The following ABCB4 variants were observed in gnomAD, a reference collection of about 807,000 sequenced individuals.
ABCB4 encodes ATP binding cassette subfamily B member 4, also known as phosphatidylcholine translocator ABCB4.
In ABCB4, 76 loss-of-function variants were observed where a neutral mutation model predicts 145.7. The ratio of observed to expected loss-of-function variants is 0.52; its 90% CI spans 0.43 to 0.63. The LOEUF (loss-of-function observed/expected upper bound fraction) is 0.63, where lower values mean the gene tolerates loss of function less well. Ranked by LOEUF, ABCB4 falls within the 30% of genes least tolerant of loss-of-function variation. The pLI is 0.00. For missense variants in ABCB4, 1,234 were observed against 1,553.1 expected (o/e 0.79, Z 3.45); for synonymous variants, 517 against 566.8 (o/e 0.91, Z 1.25).
Position 87,409,232 on chromosome 7 carries a change from T to G in ABCB4, c.3081+4A>C, listed in dbSNP as rs1467024096. On this transcript the variant is annotated splice_donor_region_variant and intron_variant, in intron 24 of 27. Coordinates refer to ENST00000649586, the MANE Select transcript of ABCB4 (RefSeq NM_000443.4). Reference sequence around the variant, plus strand: ...CAAGCATCATCAGGCATCAGAGAACTTACAGGCTTCAGCCCCTCTTCACTG... The same window carrying G: ...CAAGCATCATCAGGCATCAGAGAACGTACAGGCTTCAGCCCCTCTTCACTG... 6.2e-7 allele frequency: 1 copy of G among 1,613,872 alleles called. No homozygotes were observed.
At chr7:87,377,598 A>T in the ABCB4 span, 3 of 572,200 alleles carry the variant, frequency 5.2e-6, no homozygotes, top group Non-Finnish European at 9.2e-6. Flanking sequence ...ATGAATTCTC[A>T]TTGAAAGTAT....
At chr7:87,391,494 C>G in the ABCB4 span, 6 of 1,239,574 alleles carry the variant, frequency 4.8e-6, no homozygotes, top group Non-Finnish European at 6.6e-6. Context: ...AGGGCTTAGT[C>G]TCTGAACAAA....
rs1273976597 is a variant in ABCB4, at chr7:87,451,728, C to T, written c.603G>A (p.Thr201=). 8 of 1,614,044 alleles carry T rather than the reference C, an allele frequency of 5.0e-6. No individual in the cohort carries two copies. The highest frequency in any genetic ancestry group is 1.6e-4 in the Middle Eastern group (1 of 6,084). The change falls in exon 7 of 28, where the codon ACG becomes ACA. Residue 201 remains threonine, a synonymous_variant. Coordinates refer to ENST00000649586, the MANE Select transcript of ABCB4 (RefSeq NM_000443.4). ...ATCCCACTATGAATCCTGCAAAAAA[C>T]GTGGCTACTGCTTGAAAGAACATTC... ...KVGMFFQAVA[T]FFAGFIVGFI...
At chr7:87,455,989 A>G (rs1312170970) in intron 4 of ABCB4, among the ~76,000 whole-genome samples, 2 of 152,310 alleles carry the variant, frequency 1.3e-5, no homozygotes, top group East Asian at 3.9e-4. Context: ...ATTTCCGATT[A>G]TTAATCTAGC....
downstream of ABCB4, among the ~76,000 whole-genome samples, chr7:87,400,947 AGT>A (rs1807752691): frequency 6.6e-6 from 1 of 152,184 alleles, no homozygotes; most frequent in East Asian, 1.9e-4. Flanking sequence ...AATCACCTAG[AGT>A]GTATTTTAAA....
intron 4 of ABCB4, among the ~76,000 whole-genome samples, chr7:87,461,183 C>A (rs1812435016): frequency 1.3e-5 from 2 of 152,116 alleles, no homozygotes; most frequent in Admixed American, 6.5e-5. Flanking sequence ...AAACTCAAAA[C>A]TTAATTGCCA....
At position 87,406,296 on chromosome 7, in the gene ABCB4, A is replaced by G; in HGVS notation, c.3478T>C (p.Leu1160=). The G allele has an allele frequency of 6.2e-7, 1 of 1,614,166 alleles. No individual in the cohort carries two copies. Among genetic ancestry groups the G allele is most frequent in the Non-Finnish European group, 8.5e-7 (1 of 1,179,996 alleles). Residue 1160 remains leucine (L), a synonymous_variant, in exon 26 of 28, where the codon TTA becomes CTA. Transcript: ENST00000649586. The part of the protein sequence containing the change: ...AANIHPFIET[L]PHKYETRVGD... Reference sequence around the variant, plus strand: ...GCTACTCTTTAACTTACGTGGGGTAACGTCTCGATGAAAGGATGTATGTTG... The same window carrying G: ...GCTACTCTTTAACTTACGTGGGGTAGCGTCTCGATGAAAGGATGTATGTTG...
chr7:87,468,327 C>T lies in ABCB4; in HGVS notation c.135+4294G>A, dbSNP rs556576908. ...TGGATAAATTCCTCAACACATACACCCTCCCAAGACTAAACCAGGAAGAAG... is the reference window on the plus strand; with the variant it reads ...TGGATAAATTCCTCAACACATACACTCTCCCAAGACTAAACCAGGAAGAAG... On this transcript the variant is annotated intron_variant, in intron 3 of 27. Coordinates refer to ENST00000649586, the MANE Select transcript of ABCB4 (RefSeq NM_000443.4). 6.6e-3 allele frequency among the ~76,000 whole-genome samples: 1,000 copies of T among 152,160 alleles called. 4 individuals are homozygous for T. The highest frequency in any genetic ancestry group is 0.011 in the Non-Finnish European group (748 of 68,004).
rs574979344 is a variant in ABCB4 at position 87,429,743 on chromosome 7, C to T, written c.1893+1661G>A. On this transcript the variant is annotated intron_variant, in intron 15 of 27. Transcript: ENST00000649586. Reference sequence around the variant, plus strand: ...GGTGGCTAGGCCATATGGTAGCATTCGGCAGAGACACTATCATTGATTCCC... The same window carrying T: ...GGTGGCTAGGCCATATGGTAGCATTTGGCAGAGACACTATCATTGATTCCC... 1.7e-4 allele frequency among the ~76,000 whole-genome samples: 26 copies of T among 152,232 alleles called. No individual in the cohort carries two copies. The South Asian group carries it at 4.4e-3, about 26-fold the overall frequency.
Position 87,443,742 on chromosome 7 carries a change from C to T in ABCB4, c.1151G>A (p.Gly384Glu), listed in dbSNP as rs886894962. 13 of 1,613,738 alleles carry T rather than the reference C, an allele frequency of 8.1e-6. No individual in the cohort carries two copies. Among genetic ancestry groups the T allele is most frequent in the African/African-American group, 1.3e-5 (1 of 74,888 alleles). The part of the protein sequence containing the change: ...NPKIDSFSER[G>E]HKPDSIKGNL... Reference sequence around the variant, plus strand: ...CCCTTTGATGCTGTCTGGTTTGTGTCCTCTCTCTGAAAAACTGTCAATTTT... The same window carrying T: ...CCCTTTGATGCTGTCTGGTTTGTGTTCTCTCTCTGAAAAACTGTCAATTTT... The change falls in exon 11 of 28, where the codon GGA becomes GAA. Residue 384 changes from glycine (G) to glutamate (E), a missense_variant. Physicochemically the swap from Gly to Glu is moderately conservative, Grantham distance 98. This residue lies in a region of ABCB4 where 467 missense variants were observed against 632.8 expected (regional missense o/e 0.74). Transcript: ENST00000649586.
At chr7:87,475,340 G>C in intron 2 of ABCB4, 46 bp downstream of exon 2, 6 of 1,605,450 alleles carry the variant, frequency 3.7e-6, no homozygotes, top group Non-Finnish European at 5.1e-6. Flanking sequence ...ACTTAGTCCT[G>C]CTGATTGGCG....
chr7:87,434,370 A>T (rs1007709167), intron 14 of ABCB4, among the ~76,000 whole-genome samples: 1 of 152,122 alleles, frequency 6.6e-6, no homozygotes, highest in African/African-American at 2.4e-5. Context: ...TCTTTCTTCA[A>T]GATCTTATAT....
At chr7:87,462,615 T>C (rs906277452) in intron 4 of ABCB4, 143 bp downstream of exon 4, 4 of 760,480 alleles carry the variant, frequency 5.3e-6, no homozygotes, top group Non-Finnish European at 6.6e-6. Context: ...CTGAGAATTT[T>C]ACAACTCCTT....
chr7:87,411,879 C>A lies in ABCB4; in HGVS notation c.2924+14G>T. 3.1e-6 allele frequency: 5 copies of A among 1,611,538 alleles called. No individual in the cohort carries two copies. Among genetic ancestry groups the A allele is most frequent in the South Asian group, 1.1e-5 (1 of 90,970 alleles). The stretch of plus-strand genomic sequence containing the variant: ...TTATTATAGAATAATCTTAATATTT[C>A]TAAAGCTACTTACAGAATAACATCT... On this transcript the variant is annotated intron_variant, in intron 23 of 27. Transcript: ENST00000649586.
Position 87,422,179 on chromosome 7 carries a change from A to G in ABCB4, c.2258T>C (p.Ile753Thr). 4 of 1,613,814 alleles carry G rather than the reference A, an allele frequency of 2.5e-6. No homozygotes were observed. In the South Asian group the frequency reaches 3.3e-5, roughly 13 times the overall value. Residue 753 changes from isoleucine (I) to threonine (T), a missense_variant, in exon 18 of 28, where the codon ATA becomes ACA. By Grantham distance (89) the Ile-to-Thr change is moderately conservative (BLOSUM62 -1). Transcript: ENST00000649586. ...DDAVKQQKCN[I>T]FSLIFLFLGI... ...CAGAAATAAGAAAATCAAAGAGAAT[A>G]TGTTGCACTTCTGCTGCTTCACTGC...
intron 15 of ABCB4, 25 bp from the exon 16 acceptor site, chr7:87,426,945 G>GT: frequency 1.1e-6 from 1 of 917,022 alleles, no homozygotes; most frequent in Non-Finnish European, 1.4e-6. Context: ...AGACATTAAA[G>GT]TGTGTGTGTG....
chr7:87,408,190 G>A lies in ABCB4; in HGVS notation c.3126C>T (p.Asn1042=). Residue 1042 remains asparagine (N), a synonymous_variant, in exon 25 of 28, where the codon AAC becomes AAT. Coordinates refer to ENST00000649586, the MANE Select transcript of ABCB4 (RefSeq NM_000443.4). ...CTGGCACGTTTGCTCGGGTGGGATA[G>A]TTGAACACGACTTCATTAAATGTTA... The part of the protein sequence containing the change: ...GNITFNEVVF[N]YPTRANVPVL... 6.2e-7 allele frequency: 1 copy of A among 1,614,178 alleles called. No individual in the cohort carries two copies. Among genetic ancestry groups the A allele is most frequent in the South Asian group, 1.1e-5 (1 of 91,086 alleles).
chr7:87,391,844 G>A, the ABCB4 span: 2 of 891,916 alleles, frequency 2.2e-6, no homozygotes, highest in Non-Finnish European at 3.3e-6. Context: ...TCTTTTCTGA[G>A]GTTTTTAAAG....
At chr7:87,366,535 A>C in the ABCB4 span, among the ~76,000 whole-genome samples, 1 of 152,054 alleles carries the variant, frequency 6.6e-6, no homozygotes, top group African/African-American at 2.4e-5. Flanking sequence ...ATAGGCTCTC[A>C]TTTCCTTCAG....
Sources: allele counts gnomAD v4.1 joint callset (sites outside exome capture counted in the v4.1 genomes callset), GRCh38; gene constraint gnomAD v4.1.1; regional missense constraint gnomAD v4.1.1; transcripts MANE v1.5; gene names NCBI Gene and HGNC (gene_info 2026-07-23, HGNC 2026-07-21).